The following MIDEAS variants were observed in gnomAD, a reference collection of about 807,000 sequenced individuals.
The protein encoded by MIDEAS is mitotic deacetylase associated SANT domain protein, also known as mitotic deacetylase-associated SANT domain protein.
MIDEAS carries 26 observed loss-of-function variants against 102.7 expected under a neutral mutation model. The ratio of observed to expected loss-of-function variants is 0.25; its 90% CI spans 0.19 to 0.35. MIDEAS has a LOEUF of 0.35. Ranked by LOEUF, MIDEAS falls within the 10% of genes least tolerant of loss-of-function variation. The pLI is 1.00. For missense variants in MIDEAS, 1,231 were observed against 1,435.6 expected, an observed-to-expected ratio of 0.86 and a Z score of 2.30; for synonymous variants, 585 against 591.0, an observed-to-expected ratio of 0.99 and a Z score of 0.15.
chr14:73,717,855 G>C lies in MIDEAS; in HGVS notation c.*988C>G, dbSNP rs2052915361. ...CTCCAAAGTGCAGGCCTGGGGGCTG[G>C]GTTGTGGATATCGACACTGGGTAGG... is the stretch of plus-strand genomic sequence containing the variant. On this transcript the variant is annotated 3_prime_UTR_variant, in exon 13 of 13. Transcript: ENST00000423556. 6.6e-6 allele frequency: 1 copy of C among 152,568 alleles called. No homozygotes were observed. Among genetic ancestry groups the C allele is most frequent in the Non-Finnish European group, 1.5e-5 (1 of 68,110 alleles). The allele number at this position is 152,568 out of a possible 1,614,324, so 9.5% of individuals were successfully genotyped here. A position where few individuals can be genotyped will look rare whatever the true frequency, so the allele number is the denominator to read the frequency against.
chr14:73,789,291 A>G (rs1259448669), upstream of MIDEAS, among the ~76,000 whole-genome samples: 3 of 151,958 alleles, frequency 2.0e-5, no homozygotes, highest in Non-Finnish European at 4.4e-5. Flanking sequence ...CTCTGGGAAC[A>G]CTCACTGTGG....
At chr14:73,751,571 A>G (rs2053420526) in intron 1 of MIDEAS, among the ~76,000 whole-genome samples, 1 of 152,162 alleles carries the variant, frequency 6.6e-6, no homozygotes, top group South Asian at 2.1e-4. Flanking sequence ...CACACCCTCC[A>G]ACCCCACAAC....
chr14:73,789,834 C>T (rs1285759401), upstream of MIDEAS: 1 of 152,256 alleles, frequency 6.6e-6, no homozygotes, highest in Non-Finnish European at 1.5e-5. Context: ...CCTGACAGCA[C>T]ATACAGATGT....
chr14:73,770,727 G>T (rs1364003357), intron 1 of MIDEAS, among the ~76,000 whole-genome samples: 1 of 152,102 alleles, frequency 6.6e-6, no homozygotes, highest in East Asian at 1.9e-4. Flanking sequence ...TGACACCAGG[G>T]CTCTTTGTGG....
chr14:73,727,335 AG>A (rs2053075943), intron 5 of MIDEAS, 122 bp downstream of exon 5: 8 of 1,014,358 alleles, frequency 7.9e-6, no homozygotes, highest in Non-Finnish European at 1.2e-5. Context: ...CAGAAGCTCA[AG>A]GAGGCCCTCT....
chr14:73,736,580 G>A (rs1046023091), intron 3 of MIDEAS, among the ~76,000 whole-genome samples: 24 of 150,816 alleles, frequency 1.6e-4, no homozygotes, highest in Non-Finnish European at 2.1e-4. Flanking sequence ...GCAGTGAGCC[G>A]AGATTGCGCC....
Position 73,736,504 on chromosome 14 carries a change from G to A in MIDEAS, c.1749+494C>T, listed in dbSNP as rs867766042. On this transcript the variant is annotated intron_variant, in intron 3 of 12. Coordinates refer to ENST00000423556, the MANE Select transcript of MIDEAS (RefSeq NM_001367710.1). ...AAATTAGCTGGGCGCGGTGGTGGGC[G>A]CCTATAGTCCCAGCTACTCGGGAGG... Among the ~76,000 whole-genome samples the A allele has an allele frequency of 9.2e-5, 14 of 152,044 alleles. No individual in the cohort carries two copies. In the South Asian group the frequency reaches 2.1e-3, roughly 23 times the overall value.
At chr14:73,784,827 A>G (rs1404275373) in intron 1 of MIDEAS, among the ~76,000 whole-genome samples, 1 of 152,234 alleles carries the variant, frequency 6.6e-6, no homozygotes, top group East Asian at 1.9e-4. Context: ...CAGACTTTCC[A>G]GAACTGTCCT....
chr14:73,766,353 G>A (rs1276840796), intron 1 of MIDEAS, among the ~76,000 whole-genome samples: 2 of 152,160 alleles, frequency 1.3e-5, no homozygotes, highest in African/African-American at 4.8e-5. Context: ...GTTGATAAAT[G>A]CATGAATAAA....
chr14:73,753,539 G>A (rs367851355), intron 1 of MIDEAS, among the ~76,000 whole-genome samples: 5 of 152,198 alleles, frequency 3.3e-5, no homozygotes, highest in African/African-American at 4.8e-5. Context: ...ATGAAGCGCC[G>A]CCTGGCACAG....
At chr14:73,786,743 G>A (rs996657645) in intron 1 of MIDEAS, among the ~76,000 whole-genome samples, 5 of 152,256 alleles carry the variant, frequency 3.3e-5, no homozygotes, top group African/African-American at 1.2e-4. Flanking sequence ...CACCGGGCAG[G>A]GGCCGAGAGC....
At chr14:73,752,685 A>C (rs149857471) in intron 1 of MIDEAS, among the ~76,000 whole-genome samples, 1 of 152,286 alleles carries the variant, frequency 6.6e-6, no homozygotes, top group East Asian at 1.9e-4. Flanking sequence ...GAGCCATCAC[A>C]TCAGCCTCAC....
intron 1 of MIDEAS, among the ~76,000 whole-genome samples, chr14:73,753,187 G>A (rs1157738559): frequency 6.6e-6 from 1 of 152,214 alleles, no homozygotes; most frequent in Non-Finnish European, 1.5e-5. Flanking sequence ...AAGGGCCTCA[G>A]GGCTCAAGGC....
At chr14:73,721,127 C>A (rs911163896) in intron 11 of MIDEAS, among the ~76,000 whole-genome samples, 170 bp downstream of exon 11, 1 of 152,180 alleles carries the variant, frequency 6.6e-6, no homozygotes, top group Admixed American at 6.5e-5. Flanking sequence ...TAATACCTAA[C>A]CACATAGGGT....
intron 1 of MIDEAS, among the ~76,000 whole-genome samples, chr14:73,783,267 G>A (rs867137979): frequency 6.6e-6 from 1 of 152,228 alleles, no homozygotes; most frequent in South Asian, 2.1e-4. Context: ...CCACAGGGTG[G>A]GACAGGGAGA....
chr14:73,719,102 C>G (rs1476753513), intron 12 of MIDEAS, 94 bp from the exon 13 acceptor site: 7 of 1,454,214 alleles, frequency 4.8e-6, no homozygotes, highest in Admixed American at 2.6e-5. Flanking sequence ...ACCTTCACCC[C>G]CACGCTGCAC....
intron 4 of MIDEAS, 96 bp from the exon 5 acceptor site, chr14:73,727,620 G>T: frequency 8.4e-7 from 1 of 1,194,370 alleles, no homozygotes; most frequent in Non-Finnish European, 1.2e-6. Context: ...AGTCACAGTG[G>T]TGACACACAG....
intron 11 of MIDEAS, 87 bp from the exon 12 acceptor site, chr14:73,719,588 A>G (rs1595248795): frequency 7.4e-7 from 1 of 1,354,140 alleles, no homozygotes; most frequent in East Asian, 2.5e-5. Context: ...GGGGCCTGAA[A>G]AGTCATATAT....
intron 1 of MIDEAS, among the ~76,000 whole-genome samples, chr14:73,752,138 T>C (rs1190670844): frequency 6.6e-6 from 1 of 152,112 alleles, no homozygotes; most frequent in Non-Finnish European, 1.5e-5. Flanking sequence ...ATAAAATATA[T>C]TCATCGCACA....
Sources: allele counts gnomAD v4.1 joint callset (sites outside exome capture counted in the v4.1 genomes callset), GRCh38; gene constraint gnomAD v4.1.1; transcripts MANE v1.5; gene names NCBI Gene and HGNC (gene_info 2026-07-23, HGNC 2026-07-21).